CNTN3: variants seen among roughly 807,000 people sequenced by gnomAD.
CNTN3 encodes the protein contactin 3.
A neutral mutation model predicts 119.1 loss-of-function variants in CNTN3; 60 were observed. The ratio of observed to expected loss-of-function variants is 0.50; its 90% CI spans 0.41 to 0.62. The LOEUF (loss-of-function observed/expected upper bound fraction) is 0.62. Ranked by LOEUF, CNTN3 falls within the 20% of genes least tolerant of loss-of-function variation. The pLI is 0.00. For synonymous variants in CNTN3, 450 were observed against 438.7 expected, an observed-to-expected ratio of 1.03 and a Z score of -0.32; for missense variants, 1,101 against 1,242.4, an observed-to-expected ratio of 0.89 and a Z score of 1.71.
rs1231535250 is a variant in CNTN3, at chr3:74,298,164, C to T, written c.2194G>A (p.Glu732Lys). 1 of 1,602,816 alleles carries T rather than the reference C, an allele frequency of 6.2e-7. No individual in the cohort carries two copies. The highest frequency in any genetic ancestry group is 8.5e-7 in the Non-Finnish European group (1 of 1,173,380). ...DPVPEELQNGEGFGYVVAFRP... is the reference protein window; with the variant it reads ...DPVPEELQNGKGFGYVVAFRP... ...AAAGCAACAACATACCCAAAACCTT[C>T]ACCATTCTGTAGTTCTTCAGGGACT... Residue 732 changes from glutamate to lysine, a missense_variant, in exon 18 of 23, where the codon GAA (glutamate) becomes AAA (lysine). By Grantham distance (56) the Glu-to-Lys change is moderately conservative. Coordinates refer to ENST00000263665, the MANE Select transcript of CNTN3 (RefSeq NM_020872.3).
intron 1 of CNTN3, among the ~76,000 whole-genome samples, chr3:74,579,628 G>T (rs1051802953): frequency 2.0e-5 from 3 of 152,066 alleles, no homozygotes; most frequent in African/African-American, 7.2e-5. Flanking sequence ...CTGATCCACA[G>T]ATATTAGAGA....
chr3:74,329,198 T>C (rs768928020), intron 13 of CNTN3, among the ~76,000 whole-genome samples: 2 of 152,154 alleles, frequency 1.3e-5, no homozygotes, highest in Non-Finnish European at 2.9e-5. Flanking sequence ...GAAAAATACA[T>C]CAAATCTCAA....
intron 5 of CNTN3, among the ~76,000 whole-genome samples, chr3:74,379,384 G>A (rs1704558132): frequency 6.6e-6 from 1 of 152,132 alleles, no homozygotes; most frequent in Admixed American, 6.5e-5. Flanking sequence ...TTGAACTCCT[G>A]ACCTCAGGTG....
intron 1 of CNTN3, among the ~76,000 whole-genome samples, chr3:74,540,690 C>G (rs1437190030): frequency 6.6e-6 from 1 of 152,126 alleles, no homozygotes; most frequent in Non-Finnish European, 1.5e-5. Flanking sequence ...CTCTACCTCT[C>G]TACTTCTCTA....
At chr3:74,457,515 A>C (rs1702292634) in intron 4 of CNTN3, among the ~76,000 whole-genome samples, 1 of 151,982 alleles carries the variant, frequency 6.6e-6, no homozygotes, top group Admixed American at 6.6e-5. Flanking sequence ...GCCGCCCCCC[A>C]AAAAATAAAC....
At position 74,486,317 on chromosome 3, in the gene CNTN3, A is replaced by G. The variant is rs1702858021; in HGVS notation, c.358+139T>C. ...TTTGAACACTATAAAATGTCCAAAA[A>G]TCATACTGAATTGCTTTCTCAGTCT... On this transcript the variant is annotated intron_variant, in intron 4 of 22. Transcript: ENST00000263665. 95 of 748,256 alleles carry G rather than the reference A, an allele frequency of 1.3e-4. No homozygotes were observed. In the South Asian group the frequency reaches 1.7e-3, roughly 14 times the overall value. The allele number at this position is 748,256 out of a possible 1,614,324, so 46.4% of individuals were successfully genotyped here.
intron 20 of CNTN3, among the ~76,000 whole-genome samples, chr3:74,278,953 A>C (rs1490277778): frequency 6.6e-6 from 1 of 152,218 alleles, no homozygotes; most frequent in African/African-American, 2.4e-5. Flanking sequence ...GGTGAAGGAC[A>C]TGAACAGACA....
rs1311776494 is a variant in CNTN3 at position 74,263,448 on chromosome 3, T to A, written c.*953A>T. ...GGTTGAGATTCAGGTCATTCCTGAT[T>A]TTTTCCTCTAGGTTTTAATAAAACC... On this transcript the variant is annotated 3_prime_UTR_variant, in exon 23 of 23. Transcript: ENST00000263665. 1 of 152,110 alleles carries A rather than the reference T, an allele frequency of 6.6e-6. No individual in the cohort carries two copies. The highest frequency in any genetic ancestry group is 1.9e-4 in the East Asian group (1 of 5,198). The allele number at this position is 152,110 out of a possible 1,614,324, so 9.4% of individuals were successfully genotyped here.
intron 2 of CNTN3, among the ~76,000 whole-genome samples, chr3:74,514,998 T>A (rs1703427653): frequency 6.6e-6 from 1 of 152,062 alleles, no homozygotes; most frequent in African/African-American, 2.4e-5. Context: ...GAAATGGTCC[T>A]TAGAAATGAA....
chr3:74,445,256 T>G, intron 4 of CNTN3, among the ~76,000 whole-genome samples: 1 of 152,236 alleles, frequency 6.6e-6, no homozygotes, highest in East Asian at 1.9e-4. Context: ...TTTTTTGTTT[T>G]GATTTTTTGT....
At chr3:74,354,595 CTA>C (rs747208632) in intron 11 of CNTN3, among the ~76,000 whole-genome samples, 2 of 151,928 alleles carry the variant, frequency 1.3e-5, no homozygotes, top group Non-Finnish European at 2.9e-5. Context: ...TGGTGAAATA[CTA>C]TGGAATACTG....
chr3:74,457,573 C>T (rs13316041), intron 4 of CNTN3, among the ~76,000 whole-genome samples: 27,232 of 150,648 alleles, frequency 0.18, 3,198 homozygotes, highest in East Asian at 0.46. Flanking sequence ...GGAGAGGAGA[C>T]GCTATGGAGT....
intron 7 of CNTN3, 61 bp downstream of exon 7, chr3:74,369,828 T>A: frequency 1.1e-6 from 1 of 900,446 alleles, no homozygotes; most frequent in Non-Finnish European, 1.8e-6. Flanking sequence ...TCAAAAACCA[T>A]CCTGATTTCT....
intron 1 of CNTN3, among the ~76,000 whole-genome samples, chr3:74,558,842 G>A (rs1002283862): frequency 6.6e-6 from 1 of 151,856 alleles, no homozygotes; most frequent in African/African-American, 2.4e-5. Flanking sequence ...AAATTAGACA[G>A]GTGTGATGGC....
chr3:74,433,586 T>A (rs1043879773), intron 4 of CNTN3, among the ~76,000 whole-genome samples: 1 of 152,174 alleles, frequency 6.6e-6, no homozygotes, highest in Admixed American at 6.5e-5. Flanking sequence ...AGCACCTAAG[T>A]ATACTCTACA....
intron 1 of CNTN3, among the ~76,000 whole-genome samples, chr3:74,536,480 C>T (rs767297974): frequency 1.3e-5 from 2 of 152,102 alleles, no homozygotes; most frequent in Non-Finnish European, 2.9e-5. Context: ...TCCCCCACTT[C>T]CCAAGACAGA....
At chr3:74,335,564 C>T (rs1162585091) in intron 12 of CNTN3, among the ~76,000 whole-genome samples, 2 of 152,110 alleles carry the variant, frequency 1.3e-5, no homozygotes, top group Non-Finnish European at 2.9e-5. Flanking sequence ...CCAAAGTCTT[C>T]AAAAGAGTCA....
chr3:74,541,135 T>C (rs546413957), intron 1 of CNTN3, among the ~76,000 whole-genome samples: 44 of 152,114 alleles, frequency 2.9e-4, no homozygotes, highest in Non-Finnish European at 4.9e-4. Context: ...ACTGTAGGAG[T>C]GTAAGTCCAT....
chr3:74,377,965 G>T lies in CNTN3; in HGVS notation c.455-6566C>A, dbSNP rs1217366631. Among the ~76,000 whole-genome samples the T allele has an allele frequency of 5.3e-5, 8 of 152,174 alleles. No individual in the cohort carries two copies. The East Asian group carries it at 1.5e-3, about 29-fold the overall frequency. ...ATGAAGGAGATTTAATCCTTCTATG[G>T]CCACTTTCCAGAAGAAATTCTGTCA... On this transcript the variant is annotated intron_variant, in intron 5 of 22. Coordinates refer to ENST00000263665, the MANE Select transcript of CNTN3 (RefSeq NM_020872.3).
Sources: gnomAD v4.1 joint callset for allele counts (sites outside exome capture counted in the v4.1 genomes callset) on GRCh38, gnomAD v4.1.1 for gene constraint, MANE v1.5 for transcripts, NCBI Gene and HGNC (gene_info 2026-07-23, HGNC 2026-07-21) for gene names.